Variants in NSUN3 observed in about 807,000 individuals in gnomAD.
NSUN3 encodes the protein NOP2/Sun RNA methyltransferase 3.
In NSUN3, 24 loss-of-function variants were observed where a neutral mutation model predicts 36.8. That is an observed-to-expected ratio of 0.65 (90% CI 0.47 to 0.92). The LOEUF (loss-of-function observed/expected upper bound fraction) is 0.92, where lower values mean the gene tolerates loss of function less well. Among genes scored for constraint, NSUN3 ranks in the 40% least tolerant of loss-of-function variants. The probability of loss-of-function intolerance (pLI) is 0.00; values close to 1 mark genes in which losing one functional copy is unlikely to be tolerated. For synonymous variants in NSUN3, 146 were observed against 145.2 expected (o/e 1.01, Z -0.04); for missense variants, 381 against 392.8 (o/e 0.97, Z 0.25).
intron 5 of NSUN3, among the ~76,000 whole-genome samples, chr3:94,113,462 A>G (rs114533348): frequency 6.6e-6 from 1 of 152,354 alleles, no homozygotes; most frequent in African/African-American, 2.4e-5. Context: ...CGTCAGGTAA[A>G]AAAGGAAATG....
intron 2 of NSUN3, 48 bp downstream of exon 2, chr3:94,064,594 T>C (rs958288671): frequency 4.3e-6 from 5 of 1,150,378 alleles, no homozygotes; most frequent in Non-Finnish European, 6.5e-6. Context: ...AAGTACAATA[T>C]GTAGTCCTCC....
intron 5 of NSUN3, among the ~76,000 whole-genome samples, chr3:94,097,164 A>G (rs954856449): frequency 2.0e-4 from 30 of 152,174 alleles, no homozygotes; most frequent in African/African-American, 7.2e-4. Context: ...TTTTAATTAT[A>G]CAGGTAACAC....
intron 3 of NSUN3, among the ~76,000 whole-genome samples, chr3:94,088,537 G>T (rs2077302005): frequency 6.6e-6 from 1 of 152,086 alleles, no homozygotes; most frequent in Non-Finnish European, 1.5e-5. Flanking sequence ...AAGGTAACTG[G>T]CAGAGCTGGG....
At chr3:94,113,025 C>T (rs752652887) in intron 5 of NSUN3, among the ~76,000 whole-genome samples, 5 of 152,016 alleles carry the variant, frequency 3.3e-5, no homozygotes, top group Non-Finnish European at 7.4e-5. Flanking sequence ...CCACCATGCC[C>T]GGCTAATTTT....
intron 3 of NSUN3, among the ~76,000 whole-genome samples, chr3:94,087,527 G>GA (rs2077296865): frequency 6.6e-6 from 1 of 152,180 alleles, no homozygotes; most frequent in Admixed American, 6.5e-5. Context: ...GGTCTTGGCA[G>GA]AAAAAGAGCA....
Position 94,094,250 on chromosome 3 carries a change from G to A in NSUN3, c.577G>A (p.Asp193Asn), listed in dbSNP as rs747083238. 2 of 1,613,140 alleles carry A rather than the reference G, an allele frequency of 1.2e-6. No homozygotes were observed. The highest frequency in any genetic ancestry group is 1.7e-6 in the Non-Finnish European group (2 of 1,179,738). ...AAATGTAATTAAAGTGTCTGAATTG[G>A]ATGGCAGAAAAATGGGAGATGCCCA... ...LINVIKVSEL[D>N]GRKMGDAQPE... Residue 193 changes from aspartate (D) to asparagine (N), a missense_variant, in exon 4 of 6, where the codon GAT becomes AAT. Transcript: ENST00000314622.
intron 2 of NSUN3, chr3:94,077,207 C>A: frequency 1.5e-6 from 1 of 671,794 alleles, no homozygotes; most frequent in South Asian, 1.6e-5. Flanking sequence ...ATACTGGAGT[C>A]GGGTGTTGCA....
intron 2 of NSUN3, chr3:94,075,954 C>A (rs2077244018): frequency 6.5e-7 from 1 of 1,536,154 alleles, no homozygotes; most frequent in Admixed American, 1.7e-5. Flanking sequence ...GGGTCTTCAT[C>A]ATTATAAATG....
intron 5 of NSUN3, among the ~76,000 whole-genome samples, chr3:94,120,444 T>C (rs2077456677): frequency 6.6e-6 from 1 of 152,194 alleles, no homozygotes; most frequent in Admixed American, 6.5e-5. Context: ...TCTTAGCCCC[T>C]GGCAACCACC....
chr3:94,105,097 C>A (rs530965162), intron 5 of NSUN3, among the ~76,000 whole-genome samples: 63 of 152,154 alleles, frequency 4.1e-4, no homozygotes, highest in Non-Finnish European at 8.1e-4. Flanking sequence ...ACTGACTTTT[C>A]AAGATTTCTA....
At chr3:94,092,957 T>C (rs1017330129) in intron 3 of NSUN3, among the ~76,000 whole-genome samples, 12 of 128,350 alleles carry the variant, frequency 9.3e-5, no homozygotes, top group African/African-American at 3.3e-4. Context: ...AAAAGAAATA[T>C]GGAGCCCTCG....
At chr3:94,119,972 G>A (rs1164102331) in intron 5 of NSUN3, among the ~76,000 whole-genome samples, 2 of 152,254 alleles carry the variant, frequency 1.3e-5, no homozygotes, top group East Asian at 3.8e-4. Context: ...AATTATGAAT[G>A]TCGAAATGAA....
intron 4 of NSUN3, 100 bp from the exon 5 acceptor site, chr3:94,094,933 C>A: frequency 8.4e-7 from 1 of 1,191,074 alleles, no homozygotes; most frequent in South Asian, 1.5e-5. Flanking sequence ...TTACTTATTT[C>A]CTATTTGTTT....
At chr3:94,099,241 T>TA (rs2077355288) in intron 5 of NSUN3, among the ~76,000 whole-genome samples, 1 of 152,204 alleles carries the variant, frequency 6.6e-6, no homozygotes, top group Non-Finnish European at 1.5e-5. Flanking sequence ...TAGTTTTTTT[T>TA]AAATCATTTA....
intron 5 of NSUN3, among the ~76,000 whole-genome samples, chr3:94,097,978 G>A (rs1321296193): frequency 6.6e-6 from 1 of 151,578 alleles, no homozygotes; most frequent in Non-Finnish European, 1.5e-5. Flanking sequence ...TTCAATTACC[G>A]ATCCGAGATC....
At chr3:94,088,904 G>T (rs1252505124) in intron 3 of NSUN3, among the ~76,000 whole-genome samples, 1 of 151,892 alleles carries the variant, frequency 6.6e-6, no homozygotes, top group African/African-American at 2.4e-5. Flanking sequence ...CCTGACCTCA[G>T]GCGATCCACC....
At chr3:94,118,635 T>C (rs1439677002) in intron 5 of NSUN3, among the ~76,000 whole-genome samples, 2 of 152,138 alleles carry the variant, frequency 1.3e-5, no homozygotes, top group Non-Finnish European at 2.9e-5. Context: ...GAGGATACTA[T>C]ACTATTATGC....
intron 5 of NSUN3, among the ~76,000 whole-genome samples, chr3:94,115,683 G>A (rs77727840): frequency 0.014 from 2,104 of 152,262 alleles, 48 homozygotes; most frequent in African/African-American, 0.048. Flanking sequence ...CACTGTTGCT[G>A]TGCTGATTAT....
At chr3:94,126,036 G>A (rs1423542527) in intron 5 of NSUN3, among the ~76,000 whole-genome samples, 175 bp from the exon 6 acceptor site, 1 of 151,738 alleles carries the variant, frequency 6.6e-6, no homozygotes, top group South Asian at 2.1e-4. Context: ...CTCCAGCCTG[G>A]GTGACAAAGT....
Sources: allele counts gnomAD v4.1 joint callset (sites outside exome capture counted in the v4.1 genomes callset), GRCh38; gene constraint gnomAD v4.1.1; transcripts MANE v1.5; gene names NCBI Gene and HGNC (gene_info 2026-07-23, HGNC 2026-07-21).